MTARC2: variants seen among roughly 807,000 people sequenced by gnomAD.
The protein encoded by MTARC2 is mitochondrial amidoxime reducing component 2, also known as MOCO sulphurase C-terminal domain containing 2.
A neutral mutation model predicts 35.6 loss-of-function variants in MTARC2; 27 were observed. The ratio of observed to expected loss-of-function variants is 0.76; its 90% CI spans 0.56 to 1.04. The LOEUF is 1.04. Ranked by LOEUF, MTARC2 falls within the 50% of genes least tolerant of loss-of-function variation. The pLI is 0.00. For missense variants in MTARC2, 412 were observed against 432.5 expected, an observed-to-expected ratio of 0.95 and a Z score of 0.42; for synonymous variants, 158 against 167.1, an observed-to-expected ratio of 0.95 and a Z score of 0.42.
chr1:220,775,520 AT>A (rs1315241643), intron 4 of MTARC2, among the ~76,000 whole-genome samples: 1 of 152,028 alleles, frequency 6.6e-6, no homozygotes, highest in Non-Finnish European at 1.5e-5. Flanking sequence ...TTACTTATTT[AT>A]TTTTATCTTT....
intron 1 of MTARC2, 50 bp from the exon 2 acceptor site, chr1:220,754,897 G>T: frequency 6.7e-7 from 1 of 1,502,928 alleles, no homozygotes; most frequent in Non-Finnish European, 9.0e-7. Flanking sequence ...GGAAGCTGTT[G>T]GGAGGTGGAA....
At chr1:220,759,663 G>A (rs1003942318) in intron 2 of MTARC2, among the ~76,000 whole-genome samples, 8 of 152,194 alleles carry the variant, frequency 5.3e-5, no homozygotes, top group Admixed American at 2.0e-4. Flanking sequence ...CCATCCAGGA[G>A]CATGTACTTA....
intron 4 of MTARC2, among the ~76,000 whole-genome samples, chr1:220,766,260 A>C (rs1473243037): frequency 1.3e-5 from 2 of 152,222 alleles, no homozygotes; most frequent in African/African-American, 2.4e-5. Context: ...ATTAACAAAA[A>C]TAAAATTAGG....
At chr1:220,765,036 G>A (rs941930848) in intron 4 of MTARC2, among the ~76,000 whole-genome samples, 6 of 152,202 alleles carry the variant, frequency 3.9e-5, no homozygotes, top group African/African-American at 1.4e-4. Flanking sequence ...ACGTGCTTTA[G>A]TGTACACACT....
At chr1:220,764,756 A>G (rs1158220681) in intron 4 of MTARC2, among the ~76,000 whole-genome samples, 2 of 151,376 alleles carry the variant, frequency 1.3e-5, no homozygotes, top group African/African-American at 4.9e-5. Flanking sequence ...TGGGTGACAG[A>G]GCGAGAACCT....
At chr1:220,766,351 C>T (rs987574121) in intron 4 of MTARC2, among the ~76,000 whole-genome samples, 4 of 152,224 alleles carry the variant, frequency 2.6e-5, no homozygotes, top group South Asian at 2.1e-4. Context: ...CCACCTCCCC[C>T]TCCCAGTTCT....
intron 1 of MTARC2, among the ~76,000 whole-genome samples, chr1:220,752,445 G>GT (rs1218547447): frequency 1.3e-5 from 2 of 152,188 alleles, no homozygotes; most frequent in East Asian, 3.9e-4. Context: ...ATCTAAGTCA[G>GT]TGGATGCCTG....
chr1:220,767,687 TC>T (rs1459491149), intron 4 of MTARC2, among the ~76,000 whole-genome samples: 11 of 152,344 alleles, frequency 7.2e-5, no homozygotes, highest in Admixed American at 2.0e-4. Context: ...TTTGTATCAG[TC>T]CTCACTCCAC....
chr1:220,775,472 T>C (rs1009266207), intron 4 of MTARC2, among the ~76,000 whole-genome samples: 1 of 152,216 alleles, frequency 6.6e-6, no homozygotes, highest in Non-Finnish European at 1.5e-5. Flanking sequence ...GCTGATTTTG[T>C]GTTTAGGGAA....
At chr1:220,777,172 T>A (rs978347933) in intron 4 of MTARC2, among the ~76,000 whole-genome samples, 4 of 152,234 alleles carry the variant, frequency 2.6e-5, no homozygotes, top group African/African-American at 9.6e-5. Context: ...CCGTGGCGTT[T>A]ATTTCCACAA....
intron 4 of MTARC2, among the ~76,000 whole-genome samples, chr1:220,775,655 T>C (rs1446214487): frequency 1.3e-5 from 2 of 151,884 alleles, no homozygotes; most frequent in African/African-American, 4.9e-5. Flanking sequence ...TACCCTATAG[T>C]GTTTCAATTC....
Position 220,754,932 on chromosome 1 carries a change from T to C in MTARC2, c.273-15T>C. The C allele has an allele frequency of 6.4e-7, 1 of 1,563,598 alleles. No individual in the cohort carries two copies. Among genetic ancestry groups the C allele is most frequent in the Non-Finnish European group, 8.7e-7 (1 of 1,154,164 alleles). The stretch of plus-strand genomic sequence containing the variant: ...AGAGGATTTTCTGAGTGTGCCCTGG[T>C]TTGTTTCTCTGCAGGTTTTGGCTGG... On this transcript the variant is annotated splice_polypyrimidine_tract_variant and intron_variant, in intron 1 of 7. Transcript: ENST00000366913.
At chr1:220,755,155 A>G in intron 2 of MTARC2, 35 bp downstream of exon 2, 4 of 1,558,054 alleles carry the variant, frequency 2.6e-6, no homozygotes, top group Non-Finnish European at 3.5e-6. Flanking sequence ...GAACTGCAAC[A>G]GGCTTGGTTT....
intron 4 of MTARC2, among the ~76,000 whole-genome samples, chr1:220,774,972 T>TGTGTGTGTAC (rs1444292531): frequency 2.6e-5 from 4 of 152,168 alleles, no homozygotes; most frequent in African/African-American, 9.7e-5. Context: ...TGTGTGTGTG[T>TGTGTGTGTAC]ACACACATTC....
At chr1:220,754,246 T>C (rs1671215541) in intron 1 of MTARC2, 2 of 449,598 alleles carry the variant, frequency 4.4e-6, no homozygotes, top group South Asian at 1.6e-5. Flanking sequence ...CCCCTCACTC[T>C]TCAGCTCATC....
chr1:220,760,399 T>A (rs1671408027), intron 2 of MTARC2, among the ~76,000 whole-genome samples: 1 of 152,228 alleles, frequency 6.6e-6, no homozygotes, highest in Admixed American at 6.5e-5. Context: ...TGAAATATAT[T>A]GCCTGGAGAT....
At chr1:220,770,034 G>C (rs892958509) in intron 4 of MTARC2, among the ~76,000 whole-genome samples, 1 of 151,634 alleles carries the variant, frequency 6.6e-6, no homozygotes, top group Non-Finnish European at 1.5e-5. Context: ...GTGAACCCGG[G>C]AGGCGGAGCT....
At chr1:220,783,887 C>T (rs1672146826) in intron 7 of MTARC2, 32 bp from the exon 8 acceptor site, 1 of 717,206 alleles carries the variant, frequency 1.4e-6, no homozygotes, top group Non-Finnish European at 2.6e-6. Flanking sequence ...GATAAACAAC[C>T]AAATAACCAG....
chr1:220,781,225 G>C (rs894673093), intron 6 of MTARC2, among the ~76,000 whole-genome samples: 1 of 152,162 alleles, frequency 6.6e-6, no homozygotes, highest in African/African-American at 2.4e-5. Flanking sequence ...AAGATGTAGT[G>C]ATAATTATTT....
Sources: gnomAD v4.1 joint callset for allele counts (sites outside exome capture counted in the v4.1 genomes callset) on GRCh38, gnomAD v4.1.1 for gene constraint, MANE v1.5 for transcripts, NCBI Gene and HGNC (gene_info 2026-07-23, HGNC 2026-07-21) for gene names.